Variants in SLC9A2 observed in about 807,000 individuals in gnomAD.
SLC9A2 encodes sodium/hydrogen exchanger 2.
A neutral mutation model predicts 71.7 loss-of-function variants in SLC9A2; 42 were observed. That is an observed-to-expected ratio of 0.59 (90% CI 0.46 to 0.76). SLC9A2 has a LOEUF of 0.76. Among genes scored for constraint, SLC9A2 ranks in the 30% least tolerant of loss-of-function variants. The pLI is 0.00. For missense variants in SLC9A2, 829 were observed against 1,017.4 expected, an observed-to-expected ratio of 0.81 and a Z score of 2.52; for synonymous variants, 396 against 392.5, an observed-to-expected ratio of 1.01 and a Z score of -0.10.
rs774214129 is a variant in SLC9A2 at position 102,708,357 on chromosome 2, T to C, written c.2307T>C (p.Ser769=). 6.2e-7 allele frequency: 1 copy of C among 1,614,194 alleles called. No homozygotes were observed. Among genetic ancestry groups the C allele is most frequent in the Non-Finnish European group, 8.5e-7 (1 of 1,180,036 alleles). ...TSGLLQQPLL[S]KDQSGSERED... ...GCTTACTACAGCAGCCCCTTCTCTC[T>C]AAAGACCAGTCTGGCTCAGAGAGGG... The change falls in exon 12 of 12, where the codon TCT becomes TCC. Residue 769 remains serine (S), a synonymous_variant. Coordinates refer to ENST00000233969, the MANE Select transcript of SLC9A2 (RefSeq NM_003048.6).
At chr2:102,625,547 A>T (rs1484761221) in intron 1 of SLC9A2, among the ~76,000 whole-genome samples, 2 of 142,952 alleles carry the variant, frequency 1.4e-5, no homozygotes, top group Non-Finnish European at 3.0e-5. Flanking sequence ...TTCAATTCCC[A>T]CCTATGAGTG....
chr2:102,656,196 T>A (rs1338901274), intron 1 of SLC9A2, among the ~76,000 whole-genome samples: 1 of 152,220 alleles, frequency 6.6e-6, no homozygotes, highest in Non-Finnish European at 1.5e-5. Context: ...TAAGTCACTT[T>A]CCACGTTGCC....
chr2:102,687,370 A>G (rs186550913), intron 5 of SLC9A2, among the ~76,000 whole-genome samples: 29 of 152,328 alleles, frequency 1.9e-4, no homozygotes, highest in Non-Finnish European at 3.4e-4. Flanking sequence ...TCCAGAATAC[A>G]TCAATAATTA....
intron 1 of SLC9A2, among the ~76,000 whole-genome samples, chr2:102,637,947 G>A (rs572122650): frequency 6.6e-6 from 1 of 152,352 alleles, no homozygotes; most frequent in South Asian, 2.1e-4. Context: ...GAGCAAGCTG[G>A]ACAGCCAGCT....
In SLC9A2 at chr2:102,708,238, G is replaced by C; in HGVS notation, c.2188G>C (p.Glu730Gln). 1.2e-6 allele frequency: 2 copies of C among 1,614,146 alleles called. No individual in the cohort carries two copies. The highest frequency in any genetic ancestry group is 1.7e-6 in the Non-Finnish European group (2 of 1,180,034). The change falls in exon 12 of 12, where the codon GAA (glutamate) becomes CAA (glutamine). Residue 730 changes from glutamate to glutamine, a missense_variant. This residue lies in a region of SLC9A2 where 223 missense variants were observed against 197.5 expected (regional missense o/e 1.13). Coordinates refer to ENST00000233969, the MANE Select transcript of SLC9A2 (RefSeq NM_003048.6). ...SKKSPQSYKM[E>Q]WKNEVDVDSG... The stretch of plus-strand genomic sequence containing the variant: ...GAAATCCCCCCAGTCCTATAAAATG[G>C]AATGGAAGAATGAGGTAGATGTTGA...
intron 3 of SLC9A2, among the ~76,000 whole-genome samples, chr2:102,678,177 C>G (rs1264990767): frequency 2.0e-5 from 3 of 151,990 alleles, no homozygotes; most frequent in African/African-American, 7.3e-5. Context: ...CTGTTTCTTC[C>G]CTTAGAAGAA....
Position 102,619,733 on chromosome 2 carries a change from T to C in SLC9A2, c.-116T>C, listed in dbSNP as rs1676095850. ...CGGTGCCGCAGCAGCGGCGGGTGGC[T>C]GTCGCTGCCCTGCCCTGCACGGGGC... On this transcript the variant is annotated 5_prime_UTR_variant, in exon 1 of 12. Coordinates refer to ENST00000233969, the MANE Select transcript of SLC9A2 (RefSeq NM_003048.6). This position sits in a 1 kb window ranked among gnomAD's most constrained non-coding sequence, Gnocchi z 4.3. 2 of 913,814 alleles carry C rather than the reference T, an allele frequency of 2.2e-6. No individual in the cohort carries two copies. The highest frequency in any genetic ancestry group is 3.0e-6 in the Non-Finnish European group (2 of 665,584). 56.6% of individuals were successfully genotyped at this position (913,814 alleles called of 1,614,324 possible). A position where few individuals can be genotyped will look rare whatever the true frequency, so the allele number is the denominator to read the frequency against.
intron 2 of SLC9A2, among the ~76,000 whole-genome samples, chr2:102,663,764 C>A (rs1233883695): frequency 1.3e-5 from 2 of 152,156 alleles, no homozygotes; most frequent in Non-Finnish European, 2.9e-5. Flanking sequence ...TCCAGGTGCT[C>A]CCAGAGTTGT....
At position 102,705,886 on chromosome 2, in the gene SLC9A2, A is replaced by G. The variant is rs776012445; in HGVS notation, c.2018A>G (p.Asn673Ser). ...STSRYLSLPK[N>S]TKLPEKLQKR... The stretch of plus-strand genomic sequence containing the variant: ...TCCCGATATTTATCCTTACCTAAAA[A>G]TACGAAGCTTCCAGAAAAGCTACAA... Residue 673 changes from asparagine (N) to serine (S), a missense_variant, in exon 11 of 12, where the codon AAT becomes AGT. By Grantham distance (46) the Asn-to-Ser change is conservative. Around this residue, in one of 3 missense-constraint regions of SLC9A2, gnomAD observed 223 missense variants for 197.5 expected, o/e 1.13. Coordinates refer to ENST00000233969, the MANE Select transcript of SLC9A2 (RefSeq NM_003048.6). 1.2e-6 allele frequency: 2 copies of G among 1,606,692 alleles called. No individual in the cohort carries two copies. The highest frequency in any genetic ancestry group is 1.7e-6 in the Non-Finnish European group (2 of 1,176,706).
In SLC9A2 at chr2:102,671,079, C is replaced by T. The variant is rs146895024; in HGVS notation, c.1004+5729C>T. 2.6e-3 allele frequency among the ~76,000 whole-genome samples: 389 copies of T among 152,160 alleles called. 2 individuals carry two copies. The Middle Eastern group carries it at 0.034, about 13-fold the overall frequency. On this transcript the variant is annotated intron_variant, in intron 3 of 11. Transcript: ENST00000233969. ...TATGACGCATCATGTTTATAAAATG[C>T]TTTCAAACACAGGATGCCAACTGAC...
At chr2:102,628,156 A>T (rs948291281) in intron 1 of SLC9A2, among the ~76,000 whole-genome samples, 5 of 152,202 alleles carry the variant, frequency 3.3e-5, no homozygotes, top group Non-Finnish European at 7.3e-5. Flanking sequence ...CTCAAAGTTT[A>T]TGTAAATTCA....
rs982856479 is a variant in SLC9A2, at chr2:102,706,340, A to G, written c.2068+404A>G. Among the ~76,000 whole-genome samples, 3 of 14,502 alleles carry G rather than the reference A, an allele frequency of 2.1e-4. 1 individual carries two copies. The highest frequency in any genetic ancestry group is 5.1e-3 in the East Asian group (2 of 394). The allele number at this position is 14,502 out of a possible 152,430, so 9.5% of individuals were successfully genotyped here. ...GACTCCGTCTCAAAAAAAAAAAAAA[A>G]AAAAAAAGAAAAAAAAAAAAAGAAT... On this transcript the variant is annotated intron_variant, in intron 11 of 11. Transcript: ENST00000233969.
At chr2:102,692,030 A>G (rs1677673755) in intron 5 of SLC9A2, among the ~76,000 whole-genome samples, 1 of 152,240 alleles carries the variant, frequency 6.6e-6, no homozygotes, top group Non-Finnish European at 1.5e-5. Context: ...TTGAGCTATT[A>G]TTAAACTACT....
intron 7 of SLC9A2, chr2:102,697,232 A>C (rs1210812739): frequency 6.6e-6 from 1 of 152,176 alleles, no homozygotes; most frequent in Non-Finnish European, 1.5e-5. Context: ...TCACACAGTA[A>C]TGAGGCCACC....
intron 3 of SLC9A2, among the ~76,000 whole-genome samples, chr2:102,669,462 T>G (rs1677203481): frequency 6.6e-6 from 1 of 152,214 alleles, no homozygotes; most frequent in Non-Finnish European, 1.5e-5. Flanking sequence ...TGCCTGTGTG[T>G]GCATACATAT....
intron 7 of SLC9A2, among the ~76,000 whole-genome samples, chr2:102,700,336 A>T (rs1677849832): frequency 6.6e-6 from 1 of 152,196 alleles, no homozygotes; most frequent in Non-Finnish European, 1.5e-5. Flanking sequence ...ACTGGGCAAG[A>T]TGGTGACGGG....
At chr2:102,670,823 CTT>C (rs1677234626) in intron 3 of SLC9A2, among the ~76,000 whole-genome samples, 1 of 122,156 alleles carries the variant, frequency 8.2e-6, no homozygotes, top group East Asian at 2.9e-4. Flanking sequence ...CTGTTTAACA[CTT>C]TGAGAAAAAA....
chr2:102,684,934 C>G (rs1002851159), intron 5 of SLC9A2, among the ~76,000 whole-genome samples: 1 of 152,202 alleles, frequency 6.6e-6, no homozygotes, highest in Non-Finnish European at 1.5e-5. Context: ...AAAAAGATCC[C>G]TGTCCCTGCT....
intron 1 of SLC9A2, among the ~76,000 whole-genome samples, chr2:102,632,095 T>C (rs985183500): frequency 2.3e-5 from 3 of 128,604 alleles, no homozygotes; most frequent in Non-Finnish European, 4.7e-5. Context: ...TATATACACA[T>C]ATATATACAT....
Sources: allele counts gnomAD v4.1 joint callset (sites outside exome capture counted in the v4.1 genomes callset), GRCh38; gene constraint gnomAD v4.1.1; regional missense constraint gnomAD v4.1.1; non-coding constraint Gnocchi (gnomAD v3.1); transcripts MANE v1.5; gene names NCBI Gene and HGNC (gene_info 2026-07-23, HGNC 2026-07-21).